Variants in NAXD observed in about 807,000 individuals in gnomAD.
NAXD encodes ATP-dependent (S)-NAD(P)H-hydrate dehydratase.
A neutral mutation model predicts 35.8 loss-of-function variants in NAXD; 22 were observed. The observed-to-expected ratio is 0.62, with a 90% CI of 0.44 to 0.88. NAXD has a LOEUF of 0.88. Ranked by LOEUF, NAXD falls within the 40% of genes least tolerant of loss-of-function variation. The pLI is 0.00. For missense variants in NAXD, 428 were observed against 437.7 expected (o/e 0.98, Z 0.20); for synonymous variants, 189 against 177.6 (o/e 1.06, Z -0.51).
chr13:110,625,208 G>T lies in NAXD; in HGVS notation c.262G>T (p.Val88Leu), dbSNP rs774843816. The T allele has an allele frequency of 1.9e-6, 3 of 1,613,854 alleles. No homozygotes were observed. The highest frequency in any genetic ancestry group is 3.3e-5 in the Admixed American group (2 of 60,028). Reference protein sequence around the residue: ...ALKVGADLSHVFCASAAAPVI... With the variant: ...ALKVGADLSHLFCASAAAPVI... ...TCATCAGGGCGCAGACTTGTCCCAC[G>T]TGTTCTGTGCCAGTGCGGCCGCACC... The change falls in exon 4 of 10, where the codon GTG (valine) becomes TTG (leucine). Residue 88 changes from valine to leucine, a missense_variant. By Grantham distance (32) the Val-to-Leu change is conservative. Around this residue, in one of 3 missense-constraint regions of NAXD, gnomAD observed 208 missense variants for 193.0 expected, o/e 1.08. Coordinates refer to ENST00000680254, the MANE Select transcript of NAXD (RefSeq NM_001242882.2).
At chr13:110,630,521 C>T (rs1278274346) in intron 5 of NAXD, among the ~76,000 whole-genome samples, 2 of 152,184 alleles carry the variant, frequency 1.3e-5, no homozygotes, top group African/African-American at 2.4e-5. Flanking sequence ...GTTTTGTTTA[C>T]AGCACAGTTT....
chr13:110,617,345 C>T (rs1385430880), intron 1 of NAXD, among the ~76,000 whole-genome samples: 1 of 152,208 alleles, frequency 6.6e-6, no homozygotes, highest in African/African-American at 2.4e-5. Context: ...CCTGTTCTTC[C>T]AGACTCAGAA....
intron 8 of NAXD, 136 bp downstream of exon 8, chr13:110,635,724 C>T (rs544576374): frequency 4.0e-5 from 40 of 1,008,090 alleles, no homozygotes; most frequent in South Asian, 3.7e-4. Context: ...CTGATGAGCT[C>T]GTCAACCACA....
rs1887060539 is a variant in NAXD at position 110,638,951 on chromosome 13, G to A, written c.*423G>A. On this transcript the variant is annotated 3_prime_UTR_variant, in exon 10 of 10. Coordinates refer to ENST00000680254, the MANE Select transcript of NAXD (RefSeq NM_001242882.2). This position sits in a 1 kb window ranked among gnomAD's most constrained non-coding sequence, Gnocchi z 5.4. The stretch of plus-strand genomic sequence containing the variant: ...CTTCCCTAGTCTTTCCTCCGGCAGG[G>A]AGCTGGGCAGGGGTCCCCGGGTGTC... The A allele has an allele frequency of 5.6e-6, 2 of 358,024 alleles. No individual in the cohort carries two copies. The highest frequency in any genetic ancestry group is 5.5e-6 in the Non-Finnish European group (1 of 182,670). 22.2% of individuals were successfully genotyped at this position (358,024 alleles called of 1,614,324 possible).
At chr13:110,617,353 GA>G (rs1886098459) in intron 1 of NAXD, among the ~76,000 whole-genome samples, 1 of 152,188 alleles carries the variant, frequency 6.6e-6, no homozygotes. Flanking sequence ...TCCAGACTCA[GA>G]ATTGTCTGAA....
At chr13:110,621,203 T>A (rs546368388) in intron 1 of NAXD, among the ~76,000 whole-genome samples, 2 of 152,354 alleles carry the variant, frequency 1.3e-5, no homozygotes, top group African/African-American at 4.8e-5. Context: ...GTCAGACTTC[T>A]GAGCACCCCA....
chr13:110,634,109 C>G (rs1357701117), intron 5 of NAXD, among the ~76,000 whole-genome samples: 2 of 152,286 alleles, frequency 1.3e-5, no homozygotes, highest in East Asian at 3.9e-4. Context: ...GGTCTTTCTG[C>G]TTCTCTATTT....
rs552252765 is a variant in NAXD at position 110,628,742 on chromosome 13, C to T, written c.441+1195C>T. Among the ~76,000 whole-genome samples the T allele has an allele frequency of 2.0e-5, 3 of 152,016 alleles. No individual in the cohort carries two copies. Among genetic ancestry groups the T allele is most frequent in the South Asian group, 4.2e-4 (2 of 4,806 alleles). On this transcript the variant is annotated intron_variant, in intron 5 of 9. Coordinates refer to ENST00000680254, the MANE Select transcript of NAXD (RefSeq NM_001242882.2). This position sits in a 1 kb window ranked among gnomAD's most constrained non-coding sequence, Gnocchi z 4.1. ...GAGCAGTAGAACCCTCTGTCATCCCCGGGGAGAGGCTCTCAATGGGGAGTC... is the reference window on the plus strand; with the variant it reads ...GAGCAGTAGAACCCTCTGTCATCCCTGGGGAGAGGCTCTCAATGGGGAGTC...
chr13:110,629,212 A>G (rs1886616569), intron 5 of NAXD, among the ~76,000 whole-genome samples: 1 of 152,168 alleles, frequency 6.6e-6, no homozygotes, highest in African/African-American at 2.4e-5. Context: ...TCATAGCCCC[A>G]TTCTTCTGAT....
chr13:110,620,031 T>G (rs1886198473), intron 1 of NAXD, among the ~76,000 whole-genome samples: 1 of 151,880 alleles, frequency 6.6e-6, no homozygotes, highest in Non-Finnish European at 1.5e-5. Flanking sequence ...ACTCCTGACC[T>G]CAAGTGATCC....
chr13:110,639,087 G>T lies in NAXD; in HGVS notation c.*559G>T. The T allele has an allele frequency of 4.0e-6, 1 of 250,882 alleles. No homozygotes were observed. Among genetic ancestry groups the T allele is most frequent in the Non-Finnish European group, 8.0e-6 (1 of 125,570 alleles). The allele number at this position is 250,882 out of a possible 1,614,324, so 15.5% of individuals were successfully genotyped here. On this transcript the variant is annotated 3_prime_UTR_variant, in exon 10 of 10. Transcript: ENST00000680254. ...TGGTGGTATCTGGCTGCTGGTGTTT[G>T]GCTTATTGACATACTCCAGGGTAAT...
intron 4 of NAXD, among the ~76,000 whole-genome samples, chr13:110,626,941 A>T (rs1023173555): frequency 9.9e-5 from 15 of 152,184 alleles, no homozygotes; most frequent in Admixed American, 1.3e-4. Flanking sequence ...CTTTACAGCC[A>T]CACATGTATG....
At chr13:110,623,245 G>A (rs891591132) in intron 2 of NAXD, among the ~76,000 whole-genome samples, 2 of 152,196 alleles carry the variant, frequency 1.3e-5, no homozygotes, top group Non-Finnish European at 2.9e-5. Context: ...ACACCGCTTT[G>A]CAGGAGAAGG....
Position 110,627,472 on chromosome 13 carries a change from G to C in NAXD, c.366G>C (p.Lys122Asn). The C allele has an allele frequency of 1.2e-6, 2 of 1,614,160 alleles. No homozygotes were observed. The highest frequency in any genetic ancestry group is 1.7e-6 in the Non-Finnish European group (2 of 1,179,996). The change falls in exon 5 of 10, where the codon AAG becomes AAC. Residue 122 changes from lysine (K) to asparagine (N), a missense_variant. By Grantham distance (94) the Lys-to-Asn change is moderately conservative. Transcript: ENST00000680254. ...CCAATGCTGTTCATGAGGTGGAGAA[G>C]TGGCTGCCCCGGCTGCATGCTCTTG... Reference protein sequence around the residue: ...DSPNAVHEVEKWLPRLHALVV... With the variant: ...DSPNAVHEVENWLPRLHALVV...
At chr13:110,623,189 G>A (rs145074666) in intron 2 of NAXD, among the ~76,000 whole-genome samples, 34 of 152,208 alleles carry the variant, frequency 2.2e-4, no homozygotes, top group African/African-American at 6.5e-4. Context: ...GTGTGTGCAT[G>A]TATGTTGCCT....
At chr13:110,633,412 C>T (rs1886796797) in intron 5 of NAXD, among the ~76,000 whole-genome samples, 1 of 152,228 alleles carries the variant, frequency 6.6e-6, no homozygotes, top group Non-Finnish European at 1.5e-5. Context: ...CGCGCCTCTC[C>T]CTCCACACCT....
intron 2 of NAXD, among the ~76,000 whole-genome samples, chr13:110,623,708 G>C (rs1392055171): frequency 6.6e-6 from 1 of 152,256 alleles, no homozygotes; most frequent in African/African-American, 2.4e-5. Flanking sequence ...TTATGTAAAA[G>C]ATCGACATTT....
chr13:110,635,460 T>C lies in NAXD; in HGVS notation c.598-8T>C, dbSNP rs779009870. 8.7e-6 allele frequency: 14 copies of C among 1,612,496 alleles called. No individual in the cohort carries two copies. In the Admixed American group the frequency reaches 2.3e-4, roughly 27 times the overall value. Reference sequence around the variant, plus strand: ...TTGCTTTTTCTCTGTCTTCCTGTGTTGTCATAGCTCAGAGGCCCTATGGAC... The same window carrying C: ...TTGCTTTTTCTCTGTCTTCCTGTGTCGTCATAGCTCAGAGGCCCTATGGAC... On this transcript the variant is annotated splice_polypyrimidine_tract_variant and splice_region_variant and intron_variant, in intron 7 of 9. Transcript: ENST00000680254.
At chr13:110,618,672 CT>C (rs1280293640) in intron 1 of NAXD, among the ~76,000 whole-genome samples, 1 of 152,182 alleles carries the variant, frequency 6.6e-6, no homozygotes, top group African/African-American at 2.4e-5. Context: ...TTTGAGCCCC[CT>C]GATATCTTAT....
Sources: allele counts gnomAD v4.1 joint callset (sites outside exome capture counted in the v4.1 genomes callset), GRCh38; gene constraint gnomAD v4.1.1; regional missense constraint gnomAD v4.1.1; non-coding constraint Gnocchi (gnomAD v3.1); transcripts MANE v1.5; gene names NCBI Gene and HGNC (gene_info 2026-07-23, HGNC 2026-07-21).